The following SORCS2 variants were observed in gnomAD, a reference collection of about 807,000 sequenced individuals.
SORCS2 encodes the protein VPS10 domain-containing receptor SorCS2.
In SORCS2, 100 loss-of-function variants were observed where a neutral mutation model predicts 141.6. The ratio of observed to expected loss-of-function variants is 0.71; its 90% confidence interval spans 0.60 to 0.83. The LOEUF is 0.83. SORCS2 is among the 40% of genes least tolerant of loss of function. The pLI is 0.00. For synonymous variants in SORCS2, 789 were observed against 676.9 expected (o/e 1.17, Z -2.57); for missense variants, 1,646 against 1,560.2 (o/e 1.05, Z -0.93).
chr4:7,538,252 C>T (rs1712288035), intron 3 of SORCS2, among the ~76,000 whole-genome samples: 1 of 152,178 alleles, frequency 6.6e-6, no homozygotes, highest in African/African-American at 2.4e-5. Flanking sequence ...GAATGAATTC[C>T]CTTTTATTTT....
chr4:7,365,154 C>G (rs1721801289), intron 1 of SORCS2, among the ~76,000 whole-genome samples: 1 of 152,220 alleles, frequency 6.6e-6, no homozygotes, highest in Non-Finnish European at 1.5e-5. Context: ...TGGGGCTTTG[C>G]CAGCTGTGCT....
chr4:7,211,505 T>C (rs962310470), intron 1 of SORCS2, among the ~76,000 whole-genome samples: 1 of 152,186 alleles, frequency 6.6e-6, no homozygotes, highest in African/African-American at 2.4e-5. Context: ...TCCTGGTAGC[T>C]GGGATTACAA....
intron 1 of SORCS2, among the ~76,000 whole-genome samples, chr4:7,343,856 G>T (rs1246299115): frequency 1.3e-5 from 2 of 152,188 alleles, no homozygotes; most frequent in African/African-American, 2.4e-5. Context: ...AGGTTGACAG[G>T]CCCTGTTGGA....
chr4:7,254,655 A>T (rs906196425), intron 1 of SORCS2, among the ~76,000 whole-genome samples: 1 of 152,180 alleles, frequency 6.6e-6, no homozygotes, highest in African/African-American at 2.4e-5. Context: ...AATAAAAAGG[A>T]AAAAAAGAGG....
At chr4:7,506,575 C>T (rs1452878404) in intron 2 of SORCS2, among the ~76,000 whole-genome samples, 2 of 152,174 alleles carry the variant, frequency 1.3e-5, no homozygotes, top group African/African-American at 4.8e-5. Flanking sequence ...ACCCGTAAGT[C>T]ACAAACTGGC....
At chr4:7,402,774 G>A (rs1577505430) in intron 2 of SORCS2, among the ~76,000 whole-genome samples, 1 of 151,946 alleles carries the variant, frequency 6.6e-6, no homozygotes, top group Admixed American at 6.6e-5. Context: ...TGAGATTACA[G>A]CTTAATCTTG....
At chr4:7,656,627 C>G (rs1335963126) in intron 5 of SORCS2, among the ~76,000 whole-genome samples, 3 of 152,234 alleles carry the variant, frequency 2.0e-5, no homozygotes, top group Admixed American at 1.3e-4. Flanking sequence ...GGGCCCTTGC[C>G]CACTCTGCTG....
At chr4:7,332,908 C>T (rs764450562) in intron 1 of SORCS2, among the ~76,000 whole-genome samples, 4 of 152,224 alleles carry the variant, frequency 2.6e-5, no homozygotes, top group Non-Finnish European at 5.9e-5. Flanking sequence ...CCAGATGTGG[C>T]CTTGGACCAG....
intron 11 of SORCS2, among the ~76,000 whole-genome samples, chr4:7,693,517 AGCCTGCTCCCTGCACTGTCCTTT>A: frequency 6.6e-6 from 1 of 152,276 alleles, no homozygotes; most frequent in Admixed American, 6.5e-5. Flanking sequence ...GTGATTATGG[AGCCTGCTCCCTGCACTGTCCTTT>A]GCCCCATCCT....
chr4:7,240,126 T>A (rs1205306597), intron 1 of SORCS2, among the ~76,000 whole-genome samples: 1 of 152,170 alleles, frequency 6.6e-6, no homozygotes, highest in African/African-American at 2.4e-5. Context: ...TGGGCCTCCG[T>A]GTTCTGGGCT....
At chr4:7,310,029 T>C (rs1718086307) in intron 1 of SORCS2, among the ~76,000 whole-genome samples, 1 of 152,184 alleles carries the variant, frequency 6.6e-6, no homozygotes, top group Non-Finnish European at 1.5e-5. Context: ...TCTGAAAGGC[T>C]TCTTAGAGAA....
chr4:7,652,276 G>C (rs2108894781), intron 4 of SORCS2, among the ~76,000 whole-genome samples: 1 of 152,302 alleles, frequency 6.6e-6, no homozygotes, highest in South Asian at 2.1e-4. Context: ...GGAAAGGGGA[G>C]CGGCTCTGGG....
At chr4:7,740,054 C>G in intron 26 of SORCS2, 146 bp from the exon 27 acceptor site, 1 of 664,942 alleles carries the variant, frequency 1.5e-6, no homozygotes, top group South Asian at 1.7e-5. Context: ...CGGAGACCCC[C>G]TGCACCTGCA....
In SORCS2 at chr4:7,676,953, CCTT is replaced by C. The variant is rs34505685; in HGVS notation, c.1341+726_1341+728del. Among the ~76,000 whole-genome samples, 41 of 20,666 alleles carry C rather than the reference CCTT, an allele frequency of 2.0e-3. 5 individuals carry two copies. Among genetic ancestry groups the C allele is most frequent in the East Asian group, 5.6e-3 (2 of 356 alleles). 13.6% of individuals were successfully genotyped at this position (20,666 alleles called of 152,430 possible). On this transcript the variant is annotated intron_variant, in intron 9 of 26. Coordinates refer to ENST00000507866, the MANE Select transcript of SORCS2 (RefSeq NM_020777.3). ...CTCCCTCTCTCCCTCTCTCCCTCTG[CCTT>C]CCTCTCTCCACCCCAGCCCCTTCAT...
intron 25 of SORCS2, among the ~76,000 whole-genome samples, chr4:7,735,990 G>T (rs1322204200): frequency 6.6e-6 from 1 of 152,228 alleles, no homozygotes; most frequent in Non-Finnish European, 1.5e-5. Context: ...AAACCCCAGG[G>T]CTGTGACTCC....
chr4:7,241,863 G>C (rs1712721981), intron 1 of SORCS2, among the ~76,000 whole-genome samples: 1 of 152,210 alleles, frequency 6.6e-6, no homozygotes, highest in Admixed American at 6.5e-5. Context: ...GCTGGGCGCT[G>C]GGATGCTTGC....
At chr4:7,378,843 T>C (rs1480293284) in intron 1 of SORCS2, among the ~76,000 whole-genome samples, 1 of 152,166 alleles carries the variant, frequency 6.6e-6, no homozygotes, top group Non-Finnish European at 1.5e-5. Flanking sequence ...TCCAGGCCCA[T>C]TCTGTGACCC....
At chr4:7,251,266 C>T (rs1431723818) in intron 1 of SORCS2, among the ~76,000 whole-genome samples, 1 of 152,224 alleles carries the variant, frequency 6.6e-6, no homozygotes, top group Non-Finnish European at 1.5e-5. Context: ...TTTTCTTGCT[C>T]TCTGGTCTCT....
intron 1 of SORCS2, among the ~76,000 whole-genome samples, chr4:7,262,617 A>G (rs10025282): frequency 0.26 from 40,108 of 152,166 alleles, 7,334 homozygotes; most frequent in African/African-American, 0.52. Context: ...TATATACAAG[A>G]TGATCGGCAA....
Sources: gnomAD v4.1 joint callset for allele counts (sites outside exome capture counted in the v4.1 genomes callset) on GRCh38, gnomAD v4.1.1 for gene constraint, MANE v1.5 for transcripts, NCBI Gene and HGNC (gene_info 2026-07-23, HGNC 2026-07-21) for gene names.